The following RPAP2 variants were observed in gnomAD, a reference collection of about 807,000 sequenced individuals.
RPAP2 encodes the protein putative RNA polymerase II subunit B1 CTD phosphatase RPAP2.
A neutral mutation model predicts 73.1 loss-of-function variants in RPAP2; 52 were observed. The ratio of observed to expected loss-of-function variants is 0.71; its 90% CI spans 0.57 to 0.90. The LOEUF (loss-of-function observed/expected upper bound fraction) is 0.90. Ranked by LOEUF, RPAP2 falls within the 40% of genes least tolerant of loss-of-function variation. The probability of loss-of-function intolerance (pLI) is 0.00; values close to 1 mark genes in which losing one functional copy is unlikely to be tolerated. For synonymous variants in RPAP2, 225 were observed against 242.1 expected (o/e 0.93, Z 0.65); for missense variants, 598 against 701.8 (o/e 0.85, Z 1.67).
intron 11 of RPAP2, among the ~76,000 whole-genome samples, chr1:92,351,428 A>G (rs1032649363): frequency 4.6e-5 from 7 of 152,142 alleles, no homozygotes; most frequent in African/African-American, 1.7e-4. Flanking sequence ...TGTTACCCAC[A>G]ATATAAGAAA....
Position 92,336,418 on chromosome 1 carries a change from G to C in RPAP2, c.1610G>C (p.Arg537Pro). Reference sequence around the variant, plus strand: ...TACACACAACTTAAAAATCTTGTTCGAACTTTCAGGTTAGTGTTTATATTA... The same window carrying C: ...TACACACAACTTAAAAATCTTGTTCCAACTTTCAGGTTAGTGTTTATATTA... ...DIYTQLKNLVRTFRLTNRNII... is the reference protein window; with the variant it reads ...DIYTQLKNLVPTFRLTNRNII... Residue 537 changes from arginine (R) to proline (P), a missense_variant, in exon 10 of 13, where the codon CGA (arginine) becomes CCA (proline). This residue lies in a region of RPAP2 where 506 missense variants were observed against 612.8 expected (regional missense o/e 0.83). Transcript: ENST00000610020. The C allele has an allele frequency of 6.3e-7, 1 of 1,593,894 alleles. No homozygotes were observed.
At chr1:92,345,989 A>G in intron 11 of RPAP2, 75 bp downstream of exon 11, 1 of 1,054,108 alleles carries the variant, frequency 9.5e-7, no homozygotes, top group Non-Finnish European at 1.4e-6. Flanking sequence ...AAAGTGATCC[A>G]CTGATTTTGT....
At chr1:92,358,271 G>A (rs893869386) in intron 11 of RPAP2, among the ~76,000 whole-genome samples, 9 of 151,840 alleles carry the variant, frequency 5.9e-5, no homozygotes, top group East Asian at 5.8e-4. Context: ...CTCCCATTCC[G>A]GTCACTCTGA....
intron 7 of RPAP2, among the ~76,000 whole-genome samples, chr1:92,322,738 G>A (rs1023757992): frequency 8.7e-5 from 13 of 149,816 alleles, no homozygotes; most frequent in Admixed American, 1.3e-4. Flanking sequence ...TTAGCCAGGC[G>A]TGGTGGTGCC....
At chr1:92,348,880 G>C (rs985443584) in intron 11 of RPAP2, among the ~76,000 whole-genome samples, 53 of 152,114 alleles carry the variant, frequency 3.5e-4, no homozygotes, top group Non-Finnish European at 1.6e-4. Context: ...TTTGTCACTG[G>C]GGAAAGCAAA....
Position 92,356,496 on chromosome 1 carries a change from G to A in RPAP2, c.1688+10582G>A, listed in dbSNP as rs180974649. Among the ~76,000 whole-genome samples, 917 of 151,492 alleles carry A rather than the reference G, an allele frequency of 6.1e-3. 8 individuals are homozygous for A. The highest frequency in any genetic ancestry group is 0.014 in the South Asian group (65 of 4,780). On this transcript the variant is annotated intron_variant, in intron 11 of 12. Transcript: ENST00000610020. ...ACAGGTGACCTGATCTTGGCTTACT[G>A]CAACCTCCGCCTCCTGGGTTCAAGC...
chr1:92,361,034 C>T lies in RPAP2; in HGVS notation c.1688+15120C>T, dbSNP rs149919197. Among the ~76,000 whole-genome samples the T allele has an allele frequency of 4.8e-3, 721 of 151,118 alleles. 6 individuals carry two copies. The highest frequency in any genetic ancestry group is 0.01 in the Middle Eastern group (3 of 290). ...TTCTCACCTTCCATGACCCACAAGTCGGTTTTAGGAACATAAACATGTAAT... is the reference window on the plus strand; with the variant it reads ...TTCTCACCTTCCATGACCCACAAGTTGGTTTTAGGAACATAAACATGTAAT... On this transcript the variant is annotated intron_variant, in intron 11 of 12. Coordinates refer to ENST00000610020, the MANE Select transcript of RPAP2 (RefSeq NM_024813.3).
chr1:92,399,618 T>G lies in RPAP2; in HGVS notation c.*12607T>G, dbSNP rs1372475623. Reference sequence around the variant, plus strand: ...ATTTAATGTAGTTTCATGTCATAAGTTATAAGACTTTTCAGAGAAACAATT... The same window carrying G: ...ATTTAATGTAGTTTCATGTCATAAGGTATAAGACTTTTCAGAGAAACAATT... On this transcript the variant is annotated 3_prime_UTR_variant, in exon 13 of 13. Transcript: ENST00000610020. The G allele has an allele frequency of 6.6e-6, 1 of 152,190 alleles. No homozygotes were observed. Among genetic ancestry groups the G allele is most frequent in the Non-Finnish European group, 1.5e-5 (1 of 68,034 alleles). 9.4% of individuals were successfully genotyped at this position (152,190 alleles called of 1,614,324 possible). A position where few individuals can be genotyped will look rare whatever the true frequency, so the allele number is the denominator to read the frequency against.
intron 11 of RPAP2, among the ~76,000 whole-genome samples, chr1:92,375,045 A>C (rs1363380091): frequency 6.6e-6 from 1 of 152,202 alleles, no homozygotes; most frequent in African/African-American, 2.4e-5. Context: ...AAGCATGTTA[A>C]ATGAATCTGG....
chr1:92,315,641 C>T (rs1651861081), intron 6 of RPAP2, among the ~76,000 whole-genome samples: 1 of 152,200 alleles, frequency 6.6e-6, no homozygotes, highest in Non-Finnish European at 1.5e-5. Context: ...CTTTATATCA[C>T]AGTAAGCTCA....
rs1157703132 is a variant in RPAP2, at chr1:92,336,425, C to T, written c.1617C>T (p.Phe539=). The change falls in exon 10 of 13, where the codon TTC becomes TTT. Residue 539 remains phenylalanine (F), a splice_region_variant and synonymous_variant. Coordinates refer to ENST00000610020, the MANE Select transcript of RPAP2 (RefSeq NM_024813.3). ...YTQLKNLVRT[F]RLTNRNIIHK... is the part of the protein sequence containing the mutation. ...AACTTAAAAATCTTGTTCGAACTTT[C>T]AGGTTAGTGTTTATATTACAATTAT... The T allele has an allele frequency of 6.3e-7, 1 of 1,581,348 alleles. No homozygotes were observed. Among genetic ancestry groups the T allele is most frequent in the Non-Finnish European group, 8.7e-7 (1 of 1,151,298 alleles).
rs911203905 is a variant in RPAP2 at position 92,392,700 on chromosome 1, A to C, written c.*5689A>C. 2.0e-5 allele frequency: 3 copies of C among 152,218 alleles called. No homozygotes were observed. Among genetic ancestry groups the C allele is most frequent in the African/African-American group, 7.2e-5 (3 of 41,452 alleles). The allele number at this position is 152,218 out of a possible 1,614,324, so 9.4% of individuals were successfully genotyped here. A position where few individuals can be genotyped will look rare whatever the true frequency, so the allele number is the denominator to read the frequency against. On this transcript the variant is annotated 3_prime_UTR_variant, in exon 13 of 13. Coordinates refer to ENST00000610020, the MANE Select transcript of RPAP2 (RefSeq NM_024813.3). ...ACTTCAGCAAAGTCTCAGGATACAA[A>C]ATCGGTGTGCAAAAATCACAAGCAT...
intron 11 of RPAP2, among the ~76,000 whole-genome samples, chr1:92,371,022 A>G (rs1301090077): frequency 6.6e-6 from 1 of 152,148 alleles, no homozygotes; most frequent in Non-Finnish European, 1.5e-5. Context: ...GAAATTAAAA[A>G]TAGGCCGGGC....
In RPAP2 at chr1:92,387,568, G is replaced by GGAGA. The variant is rs1655911629; in HGVS notation, c.*560_*563dup. ...AAATGGAATCTGTAGTTTGTTTGCA[G>GGAGA]GAGAGACAATTTCTAGAATTTAGAT... On this transcript the variant is annotated 3_prime_UTR_variant, in exon 13 of 13. Coordinates refer to ENST00000610020, the MANE Select transcript of RPAP2 (RefSeq NM_024813.3). The GGAGA allele has an allele frequency of 6.6e-6, 1 of 152,168 alleles. No homozygotes were observed. Among genetic ancestry groups the GGAGA allele is most frequent in the African/African-American group, 2.4e-5 (1 of 41,440 alleles). 9.4% of individuals were successfully genotyped at this position (152,168 alleles called of 1,614,324 possible). A position where few individuals can be genotyped will look rare whatever the true frequency, so the allele number is the denominator to read the frequency against.
chr1:92,364,449 C>G (rs923721162), intron 11 of RPAP2, among the ~76,000 whole-genome samples: 7 of 152,108 alleles, frequency 4.6e-5, no homozygotes, highest in Non-Finnish European at 7.4e-5. Context: ...GTTTCTCCCC[C>G]CAAAATGGTA....
At chr1:92,346,814 G>A (rs535030043) in intron 11 of RPAP2, among the ~76,000 whole-genome samples, 3 of 152,208 alleles carry the variant, frequency 2.0e-5, no homozygotes, top group African/African-American at 7.2e-5. Flanking sequence ...TAAGTGTAGT[G>A]TTTTTCAGCT....
chr1:92,374,763 A>G (rs1655315079), intron 11 of RPAP2, among the ~76,000 whole-genome samples: 1 of 152,194 alleles, frequency 6.6e-6, no homozygotes, highest in South Asian at 2.1e-4. Context: ...AAGCAGCCAG[A>G]CTGGAAAAGC....
At position 92,304,082 on chromosome 1, in the gene RPAP2, A is replaced by T; in HGVS notation, c.333+7A>T. 1.9e-6 allele frequency: 3 copies of T among 1,575,224 alleles called. No homozygotes were observed. On this transcript the variant is annotated splice_region_variant and intron_variant, in intron 4 of 12. Transcript: ENST00000610020. ...TCAGAAGAAGCTGGGAATTGTAAGT[A>T]ACTCATTTTTTTTAAAATATAGGCT...
At chr1:92,371,304 CAAAA>C (rs1304166097) in intron 11 of RPAP2, among the ~76,000 whole-genome samples, 67 of 90,458 alleles carry the variant, frequency 7.4e-4, no homozygotes, top group East Asian at 2.6e-3. Context: ...GTCTCTGTCT[CAAAA>C]AAAAAAAAAA....
Sources: allele counts gnomAD v4.1 joint callset (sites outside exome capture counted in the v4.1 genomes callset), GRCh38; gene constraint gnomAD v4.1.1; regional missense constraint gnomAD v4.1.1; transcripts MANE v1.5; gene names NCBI Gene and HGNC (gene_info 2026-07-23, HGNC 2026-07-21).